FAM135A: variants seen among roughly 807,000 people sequenced by gnomAD.
The protein encoded by FAM135A is family with sequence similarity 135 member A.
Under a neutral mutation model 146.8 loss-of-function variants are expected in FAM135A, and 79 were observed. That is an observed-to-expected ratio of 0.54 (90% confidence interval 0.45 to 0.65). The LOEUF is 0.65. Among genes scored for constraint, FAM135A ranks in the 30% least tolerant of loss-of-function variants. FAM135A has a pLI of 0.00. For missense variants in FAM135A, 1,623 were observed against 1,758.2 expected (o/e 0.92, Z 1.38); for synonymous variants, 562 against 603.6 (o/e 0.93, Z 1.01).
At chr6:70,549,669 A>G (rs931506121) in intron 20 of FAM135A, among the ~76,000 whole-genome samples, 46 of 152,306 alleles carry the variant, frequency 3.0e-4, no homozygotes, top group African/African-American at 1.1e-3. Flanking sequence ...AATGCTAATG[A>G]TTATCTGAGC....
At chr6:70,511,289 A>G (rs1284564702) in intron 12 of FAM135A, among the ~76,000 whole-genome samples, 2 of 151,984 alleles carry the variant, frequency 1.3e-5, no homozygotes. Flanking sequence ...AGCAGGAAAA[A>G]TCTTAAATTT....
At chr6:70,427,978 TAAA>T (rs1770591419) in intron 3 of FAM135A, among the ~76,000 whole-genome samples, 1 of 152,170 alleles carries the variant, frequency 6.6e-6, no homozygotes, top group African/African-American at 2.4e-5. Flanking sequence ...TCTTCACTAT[TAAA>T]AAAGTTCCTA....
At chr6:70,542,001 T>C (rs1393504784) in intron 20 of FAM135A, among the ~76,000 whole-genome samples, 1 of 152,200 alleles carries the variant, frequency 6.6e-6, no homozygotes, top group Non-Finnish European at 1.5e-5. Context: ...TTATTTAAAT[T>C]ATTGTTCAAA....
chr6:70,525,559 G>A lies in FAM135A; in HGVS notation c.2475G>A (p.Glu825=), dbSNP rs1427472935. 1 of 1,613,190 alleles carries A rather than the reference G, an allele frequency of 6.2e-7. No homozygotes were observed. Among genetic ancestry groups the A allele is most frequent in the Admixed American group, 1.7e-5 (1 of 59,970 alleles). ...TTTCATTAGGAAATCATTGTACTGAGAGTACAAGTGCTATAAGTGAAATAC... is the reference window on the plus strand; with the variant it reads ...TTTCATTAGGAAATCATTGTACTGAAAGTACAAGTGCTATAAGTGAAATAC... ...VKFSLGNHCT[E]STSAISEIQS... Residue 825 remains glutamate, a synonymous_variant, in exon 15 of 22, where the codon GAG becomes GAA. Transcript: ENST00000418814.
intron 4 of FAM135A, among the ~76,000 whole-genome samples, chr6:70,435,077 GTGTGTATA>G (rs1268314071): frequency 3.0e-3 from 158 of 52,220 alleles, no homozygotes; most frequent in African/African-American, 0.024. Context: ...GTGTGTGTGT[GTGTGTATA>G]TATATATATA....
intron 5 of FAM135A, among the ~76,000 whole-genome samples, chr6:70,467,391 T>TGGTAACTG (rs1044082516): frequency 3.9e-5 from 6 of 152,132 alleles, no homozygotes; most frequent in African/African-American, 1.4e-4. Flanking sequence ...AATATCCTCT[T>TGGTAACTG]GGTAACTGGG....
chr6:70,487,065 A>G (rs1410399887), intron 10 of FAM135A, among the ~76,000 whole-genome samples: 1 of 137,094 alleles, frequency 7.3e-6, no homozygotes, highest in Admixed American at 7.6e-5. Context: ...CCTGGGCAAG[A>G]GAGTCGGACT....
intron 4 of FAM135A, among the ~76,000 whole-genome samples, chr6:70,436,423 C>G (rs1177967602): frequency 2.0e-5 from 3 of 152,152 alleles, no homozygotes; most frequent in Non-Finnish European, 2.9e-5. Context: ...TTTACGTCAG[C>G]TATCGGAATA....
Position 70,481,193 on chromosome 6 carries a change from T to C in FAM135A, c.669+166T>C, listed in dbSNP as rs564071716. 3.9e-5 allele frequency among the ~76,000 whole-genome samples: 6 copies of C among 152,276 alleles called. No homozygotes were observed. The South Asian group carries it at 1.0e-3, about 26-fold the overall frequency. On this transcript the variant is annotated intron_variant, in intron 9 of 21. Coordinates refer to ENST00000418814, the MANE Select transcript of FAM135A (RefSeq NM_001162529.3). ...ATTGTTTGGTTCTAATTGTCTATTA[T>C]GAAAACTAACATGATACTTCAAAAT...
chr6:70,469,148 A>T (rs1374883610), intron 5 of FAM135A, among the ~76,000 whole-genome samples: 1 of 152,140 alleles, frequency 6.6e-6, no homozygotes, highest in Non-Finnish European at 1.5e-5. Context: ...CTCCGTTAGG[A>T]TGTAAGCTCT....
intron 20 of FAM135A, among the ~76,000 whole-genome samples, chr6:70,550,189 C>T (rs970418276): frequency 1.3e-5 from 2 of 152,162 alleles, no homozygotes; most frequent in Non-Finnish European, 2.9e-5. Context: ...GAATCAGCCT[C>T]TTCCAAACTT....
At chr6:70,425,464 G>A (rs924583605) in intron 2 of FAM135A, among the ~76,000 whole-genome samples, 31 of 152,162 alleles carry the variant, frequency 2.0e-4, no homozygotes, top group African/African-American at 7.2e-4. Flanking sequence ...ATCTTTTGAT[G>A]TGACTATTAA....
rs117638613 is a variant in FAM135A, at chr6:70,545,763, C to A, written c.4228+7362C>A. Among the ~76,000 whole-genome samples, 463 of 152,246 alleles carry A rather than the reference C, an allele frequency of 3.0e-3. 1 individual carries two copies. Among genetic ancestry groups the A allele is most frequent in the African/African-American group, 0.01 (417 of 41,560 alleles). ...AACACATACATATTAGCTTATTTAA[C>A]CCTCTAGGGTAGGAATATTGTCCCC... On this transcript the variant is annotated intron_variant, in intron 20 of 21. Coordinates refer to ENST00000418814, the MANE Select transcript of FAM135A (RefSeq NM_001162529.3).
chr6:70,458,026 A>T (rs1220519218), intron 5 of FAM135A, among the ~76,000 whole-genome samples: 8 of 152,182 alleles, frequency 5.3e-5, no homozygotes, highest in Admixed American at 2.6e-4. Flanking sequence ...AAAAATAAAT[A>T]GTTTGTGGCA....
At chr6:70,491,731 T>C (rs980356546) in intron 11 of FAM135A, among the ~76,000 whole-genome samples, 1 of 151,896 alleles carries the variant, frequency 6.6e-6, no homozygotes, top group African/African-American at 2.4e-5. Context: ...TACATCAGTT[T>C]TGTATACTGT....
chr6:70,426,259 A>AATATTG (rs1427065537), intron 2 of FAM135A, among the ~76,000 whole-genome samples, 180 bp from the exon 3 acceptor site: 1 of 151,254 alleles, frequency 6.6e-6, no homozygotes. Context: ...TATAATAGTT[A>AATATTG]ATATTGATAT....
At chr6:70,516,530 C>CTTTTTTT (rs1174927909) in intron 12 of FAM135A, among the ~76,000 whole-genome samples, 21 of 84,940 alleles carry the variant, frequency 2.5e-4, no homozygotes, top group South Asian at 3.9e-4. Flanking sequence ...ATTTTCTTTT[C>CTTTTTTT]TTTTTTTTTT....
At chr6:70,458,158 G>C (rs981315396) in intron 5 of FAM135A, among the ~76,000 whole-genome samples, 1 of 151,976 alleles carries the variant, frequency 6.6e-6, no homozygotes, top group African/African-American at 2.4e-5. Flanking sequence ...CATTATACTA[G>C]AAGTTTTTAG....
intron 4 of FAM135A, among the ~76,000 whole-genome samples, chr6:70,451,742 C>T (rs185836368): frequency 6.6e-6 from 1 of 152,140 alleles, no homozygotes; most frequent in East Asian, 1.9e-4. Context: ...GAAAAACAAA[C>T]ATTAAATATT....
Sources: gnomAD v4.1 joint callset for allele counts (sites outside exome capture counted in the v4.1 genomes callset) on GRCh38, gnomAD v4.1.1 for gene constraint, MANE v1.5 for transcripts, NCBI Gene and HGNC (gene_info 2026-07-23, HGNC 2026-07-21) for gene names.